Variants in C1GALT1 observed in about 807,000 individuals in gnomAD.
The protein encoded by C1GALT1 is core 1 synthase, glycoprotein-N-acetylgalactosamine 3-beta-galactosyltransferase 1, also known as glycoprotein-N-acetylgalactosamine 3-beta-galactosyltransferase 1.
C1GALT1 carries 11 observed loss-of-function variants against 31.0 expected under a neutral mutation model. That is an observed-to-expected ratio of 0.36 (90% confidence interval 0.22 to 0.59). The LOEUF (loss-of-function observed/expected upper bound fraction) is 0.59. C1GALT1 is among the 20% of genes least tolerant of loss of function. The probability of loss-of-function intolerance (pLI) is 0.79; values close to 1 mark genes in which losing one functional copy is unlikely to be tolerated. For synonymous variants in C1GALT1, 175 were observed against 143.6 expected (o/e 1.22, Z -1.56); for missense variants, 424 against 425.2 (o/e 1.00, Z 0.03).
chr7:7,171,038 A>T (rs553058609), intron 2 of C1GALT1, among the ~76,000 whole-genome samples: 1 of 152,186 alleles, frequency 6.6e-6, no homozygotes, highest in African/African-American at 2.4e-5. Context: ...CATATCATCT[A>T]TCCTGAAGAA....
intron 3 of C1GALT1, 46 bp from the exon 4 acceptor site, chr7:7,243,478 G>A (rs200061330): frequency 7.0e-5 from 97 of 1,387,426 alleles, no homozygotes; most frequent in Middle Eastern, 2.4e-4. Flanking sequence ...ATTGTAGCTA[G>A]CAATGTGCTG....
intron 1 of C1GALT1, among the ~76,000 whole-genome samples, chr7:7,198,459 A>T (rs1781394373): frequency 6.6e-6 from 1 of 152,192 alleles, no homozygotes; most frequent in Non-Finnish European, 1.5e-5. Context: ...GGATTTTCAC[A>T]TCCATATTCA....
At chr7:7,157,895 A>T (rs558438696) in intron 2 of C1GALT1, among the ~76,000 whole-genome samples, 1 of 152,150 alleles carries the variant, frequency 6.6e-6, no homozygotes, top group Non-Finnish European at 1.5e-5. Context: ...TTTTGCTAAA[A>T]TTGCTGTATT....
chr7:7,210,269 C>CT (rs1324166619), intron 1 of C1GALT1, among the ~76,000 whole-genome samples: 2 of 152,118 alleles, frequency 1.3e-5, no homozygotes, highest in Non-Finnish European at 2.9e-5. Flanking sequence ...ATAATTTCAA[C>CT]TGGAGACTTG....
At chr7:7,168,942 C>G (rs952299922) in intron 2 of C1GALT1, among the ~76,000 whole-genome samples, 1 of 152,184 alleles carries the variant, frequency 6.6e-6, no homozygotes, top group African/African-American at 2.4e-5. Flanking sequence ...TGCATACATG[C>G]TATTGTGCAA....
At chr7:7,236,903 C>T (rs1231023936) in intron 2 of C1GALT1, among the ~76,000 whole-genome samples, 1 of 152,150 alleles carries the variant, frequency 6.6e-6, no homozygotes, top group Non-Finnish European at 1.5e-5. Context: ...TATTATATGC[C>T]TCCATTGTTA....
In C1GALT1 at chr7:7,238,461, C is replaced by T. The variant is rs746020800; in HGVS notation, c.427C>T (p.Leu143=). 1 of 1,613,838 alleles carries T rather than the reference C, an allele frequency of 6.2e-7. No individual in the cohort carries two copies. Among genetic ancestry groups the T allele is most frequent in the Admixed American group, 1.7e-5 (1 of 59,990 alleles). The part of the protein sequence containing the change: ...GLKTKEGRDQ[L]YWKTIKAFQY... ...GAAAACCAAAGAAGGCAGAGATCAA[C>T]TATACTGGAAAACAATTAAAGCTTT... Residue 143 remains leucine, a synonymous_variant, in exon 3 of 4, where the codon CTA becomes TTA. Transcript: ENST00000436587. This position sits in a 1 kb window ranked among gnomAD's most constrained non-coding sequence, Gnocchi z 5.2.
chr7:7,203,630 TTAA>T (rs1252201352), intron 1 of C1GALT1, among the ~76,000 whole-genome samples: 1 of 152,130 alleles, frequency 6.6e-6, no homozygotes, highest in Non-Finnish European at 1.5e-5. Context: ...TACATCACTG[TTAA>T]TAATGGATAT....
At position 7,159,207 on chromosome 7, in the gene C1GALT1, A is replaced by G. The variant is rs534904112; in HGVS notation, c.-18+1781A>G. Among the ~76,000 whole-genome samples, 7 of 152,240 alleles carry G rather than the reference A, an allele frequency of 4.6e-5. No individual in the cohort carries two copies. The East Asian group carries it at 1.3e-3, about 29-fold the overall frequency. On this transcript the variant is annotated intron_variant, in intron 2 of 3. Coordinates refer to the C1GALT1 transcript ENST00000429911. ...TTGGAGGTCAGAAACTGTCTATGTA[A>G]TTTTCTTTTTACAATGCTTGGCACA...
chr7:7,182,864 C>A (rs1165681850), intron 1 of C1GALT1, 44 bp downstream of exon 1: 7 of 984,838 alleles, frequency 7.1e-6, no homozygotes, highest in Non-Finnish European at 8.4e-6. Flanking sequence ...TCCAAGGTCT[C>A]GTCTCCCCTC....
chr7:7,217,053 T>C (rs1225556334), intron 1 of C1GALT1, among the ~76,000 whole-genome samples: 6 of 152,066 alleles, frequency 3.9e-5, no homozygotes, highest in Admixed American at 3.9e-4. Flanking sequence ...GAAGAGAGTA[T>C]TGAGATTATA....
At chr7:7,172,523 T>C (rs1477640544) in intron 2 of C1GALT1, among the ~76,000 whole-genome samples, 1 of 152,164 alleles carries the variant, frequency 6.6e-6, no homozygotes, top group East Asian at 1.9e-4. Flanking sequence ...CTGGCTATAA[T>C]TTTTCAAATA....
rs118058583 is a variant in C1GALT1 at position 7,158,277 on chromosome 7, G to T, written c.-18+851G>T. On this transcript the variant is annotated intron_variant, in intron 2 of 3. Coordinates refer to the C1GALT1 transcript ENST00000429911. Reference sequence around the variant, plus strand: ...TCTAGTCTCCAGTGATCTACTGCAGGGCTCTATACCTGACTCTGTTCTGTC... The same window carrying T: ...TCTAGTCTCCAGTGATCTACTGCAGTGCTCTATACCTGACTCTGTTCTGTC... Among the ~76,000 whole-genome samples the T allele has an allele frequency of 5.5e-3, 843 of 152,182 alleles. 4 individuals are homozygous for T. The highest frequency in any genetic ancestry group is 8.3e-3 in the Non-Finnish European group (563 of 68,000).
At chr7:7,184,430 C>CT (rs1780728151) in intron 1 of C1GALT1, among the ~76,000 whole-genome samples, 1 of 152,220 alleles carries the variant, frequency 6.6e-6, no homozygotes, top group South Asian at 2.1e-4. Context: ...CATAATTATG[C>CT]TTTTTAAGAC....
chr7:7,247,542 C>T lies in C1GALT1; in HGVS notation c.*3815C>T, dbSNP rs1366345962. The stretch of plus-strand genomic sequence containing the variant: ...AGTAAATTTGCTAACTGGTTATTTT[C>T]ACAATTTTCTTGAATATTAATTTTT... On this transcript the variant is annotated 3_prime_UTR_variant, in exon 4 of 4. Coordinates refer to ENST00000436587, the MANE Select transcript of C1GALT1 (RefSeq NM_020156.5). 2.6e-5 allele frequency: 4 copies of T among 152,104 alleles called. No homozygotes were observed. The highest frequency in any genetic ancestry group is 5.9e-5 in the Non-Finnish European group (4 of 67,968). The allele number at this position is 152,104 out of a possible 1,614,324, so 9.4% of individuals were successfully genotyped here.
chr7:7,194,670 A>G (rs1207555092), intron 1 of C1GALT1, among the ~76,000 whole-genome samples: 1 of 152,018 alleles, frequency 6.6e-6, no homozygotes, highest in African/African-American at 2.4e-5. Context: ...TTTTAGTATT[A>G]GGGTGATACT....
intron 1 of C1GALT1, among the ~76,000 whole-genome samples, chr7:7,222,498 T>C (rs1038504358): frequency 6.6e-6 from 1 of 152,198 alleles, no homozygotes; most frequent in African/African-American, 2.4e-5. Context: ...GTGTGTTTCA[T>C]TGAGGTTTTT....
intron 3 of C1GALT1, among the ~76,000 whole-genome samples, chr7:7,239,215 T>C (rs1392113783): frequency 3.3e-5 from 5 of 152,134 alleles, no homozygotes; most frequent in African/African-American, 1.2e-4. Context: ...TGAGGAGATA[T>C]ACAGTAAACA....
At chr7:7,158,919 T>G (rs1342916891) in intron 2 of C1GALT1, among the ~76,000 whole-genome samples, 1 of 152,202 alleles carries the variant, frequency 6.6e-6, no homozygotes, top group Non-Finnish European at 1.5e-5. Context: ...TATCTCAAAC[T>G]GTGTGACATT....
Sources: allele counts gnomAD v4.1 joint callset (sites outside exome capture counted in the v4.1 genomes callset), GRCh38; gene constraint gnomAD v4.1.1; non-coding constraint Gnocchi (gnomAD v3.1); transcripts MANE v1.5; gene names NCBI Gene and HGNC (gene_info 2026-07-23, HGNC 2026-07-21).